Variants in DRC11 observed in about 807,000 individuals in gnomAD.
The protein encoded by DRC11 is IQ and AAA domain-containing protein 1.
the DRC11 span, among the ~76,000 whole-genome samples, chr2:236,393,875 A>G: frequency 6.6e-6 from 1 of 152,174 alleles, no homozygotes; most frequent in African/African-American, 2.4e-5. The surrounding 1 kb of genome is among the most constrained non-coding windows in gnomAD (Gnocchi z 4.7). Flanking sequence ...CCTACCACCT[A>G]CCAGCTGGTG....
At chr2:236,353,818 C>G in the DRC11 span, among the ~76,000 whole-genome samples, 177 of 151,880 alleles carry the variant, frequency 1.2e-3, 2 homozygotes, top group African/African-American at 4.1e-3. This position sits in a 1 kb window ranked among gnomAD's most constrained non-coding sequence, Gnocchi z 5.0. Context: ...AGGGAGGGTG[C>G]AGGGGCGTAA....
chr2:236,324,424 C>T, the DRC11 span: 9 of 323,360 alleles, frequency 2.8e-5, no homozygotes, highest in Non-Finnish European at 4.0e-5. This position sits in a 1 kb window ranked among gnomAD's most constrained non-coding sequence, Gnocchi z 5.7. Flanking sequence ...ACAAACTTGG[C>T]GTGGATTAAA....
chr2:236,315,228 C>T, the DRC11 span, among the ~76,000 whole-genome samples: 25 of 152,164 alleles, frequency 1.6e-4, 1 homozygote, highest in Non-Finnish European at 5.9e-5. The surrounding 1 kb of genome is among the most constrained non-coding windows in gnomAD (Gnocchi z 5.1). Flanking sequence ...AAAGAACAGT[C>T]TTTTCAAGAA....
chr2:236,311,270 G>A, the DRC11 span, among the ~76,000 whole-genome samples: 3 of 152,204 alleles, frequency 2.0e-5, no homozygotes, highest in Admixed American at 6.5e-5. This position sits in a 1 kb window ranked among gnomAD's most constrained non-coding sequence, Gnocchi z 6.9. Context: ...ACACCTGGGT[G>A]GGTTGTGTTG....
chr2:236,451,248 A>G, the DRC11 span, among the ~76,000 whole-genome samples: 3 of 152,098 alleles, frequency 2.0e-5, no homozygotes, highest in Non-Finnish European at 4.4e-5. Flanking sequence ...GGTCATCTAC[A>G]TTGTCCTTTC....
At chr2:236,400,418 C>G in the DRC11 span, among the ~76,000 whole-genome samples, 1 of 152,222 alleles carries the variant, frequency 6.6e-6, no homozygotes, top group African/African-American at 2.4e-5. The surrounding 1 kb of genome is among the most constrained non-coding windows in gnomAD (Gnocchi z 7.9). Context: ...CAGCACAACA[C>G]CCCCTCTGCC....
the DRC11 span, among the ~76,000 whole-genome samples, chr2:236,481,151 T>C: frequency 6.6e-6 from 1 of 152,234 alleles, no homozygotes; most frequent in African/African-American, 2.4e-5. Flanking sequence ...TTGGCCAAGA[T>C]ACAGAGAAGA....
the DRC11 span, among the ~76,000 whole-genome samples, chr2:236,308,492 C>T: frequency 2.0e-5 from 3 of 152,348 alleles, no homozygotes; most frequent in East Asian, 5.8e-4. The surrounding 1 kb of genome is among the most constrained non-coding windows in gnomAD (Gnocchi z 6.0). Context: ...ACTCGTGGTA[C>T]AGTTGTGAGT....
the DRC11 span, among the ~76,000 whole-genome samples, chr2:236,341,852 T>C: frequency 6.6e-6 from 1 of 152,210 alleles, no homozygotes; most frequent in Non-Finnish European, 1.5e-5. Flanking sequence ...CTCTTTTGTG[T>C]CACAGGGAAA....
At chr2:236,373,070 CTTTT>C in the DRC11 span, among the ~76,000 whole-genome samples, 2 of 151,746 alleles carry the variant, frequency 1.3e-5, no homozygotes, top group Non-Finnish European at 2.9e-5. Context: ...AAAAATTTGC[CTTTT>C]TGCCTTTTAT....
the DRC11 span, among the ~76,000 whole-genome samples, chr2:236,416,719 A>ATTTT: frequency 9.9e-5 from 6 of 60,856 alleles, no homozygotes; most frequent in Non-Finnish European, 1.8e-4. Context: ...ATATATATAT[A>ATTTT]TTTATATATA....
At chr2:236,368,252 G>A in the DRC11 span, 2 of 1,610,192 alleles carry the variant, frequency 1.2e-6, no homozygotes, top group African/African-American at 2.7e-5. Context: ...GGGAGGGCAT[G>A]GGTTCTATGG....
At chr2:236,321,182 C>T in the DRC11 span, among the ~76,000 whole-genome samples, 2 of 151,778 alleles carry the variant, frequency 1.3e-5, no homozygotes, top group African/African-American at 4.8e-5. Context: ...TTGGTATATA[C>T]CCACGAAGAC....
chr2:236,349,219 G>A, the DRC11 span, among the ~76,000 whole-genome samples: 2 of 152,022 alleles, frequency 1.3e-5, no homozygotes, highest in African/African-American at 4.8e-5. This position sits in a 1 kb window ranked among gnomAD's most constrained non-coding sequence, Gnocchi z 5.5. Context: ...GCTGCCAAGG[G>A]ATGGAGCTGA....
At chr2:236,497,209 T>TC in the DRC11 span, 1 of 1,612,834 alleles carries the variant, frequency 6.2e-7, no homozygotes, top group Admixed American at 1.7e-5. This position sits in a 1 kb window ranked among gnomAD's most constrained non-coding sequence, Gnocchi z 5.1. Context: ...ATAATGGAAC[T>TC]CCGTGAGTTC....
chr2:236,387,176 G>C, the DRC11 span, among the ~76,000 whole-genome samples: 1 of 149,232 alleles, frequency 6.7e-6, no homozygotes, highest in Admixed American at 6.7e-5. Flanking sequence ...ATGTCTATTA[G>C]GTCCGCTTGG....
At chr2:236,344,863 G>A in the DRC11 span, among the ~76,000 whole-genome samples, 2 of 149,058 alleles carry the variant, frequency 1.3e-5, no homozygotes, top group Admixed American at 6.7e-5. Context: ...GCAGAGCCCT[G>A]GTTATAAACG....
At chr2:236,397,922 C>A in the DRC11 span, among the ~76,000 whole-genome samples, 295 of 152,366 alleles carry the variant, frequency 1.9e-3, 2 homozygotes, top group African/African-American at 6.7e-3. This position sits in a 1 kb window ranked among gnomAD's most constrained non-coding sequence, Gnocchi z 5.0. Context: ...GCTAGCACTG[C>A]ACCTGACACC....
chr2:236,506,148 A>G, the DRC11 span, among the ~76,000 whole-genome samples: 1 of 152,128 alleles, frequency 6.6e-6, no homozygotes, highest in African/African-American at 2.4e-5. This position sits in a 1 kb window ranked among gnomAD's most constrained non-coding sequence, Gnocchi z 4.9. Context: ...TGGAAACACT[A>G]TTATTTCTTC....
Sources: gnomAD v4.1 joint callset for allele counts (sites outside exome capture counted in the v4.1 genomes callset) on GRCh38, gnomAD v4.1.1 for gene constraint, Gnocchi (gnomAD v3.1) non-coding constraint, MANE v1.5 for transcripts, NCBI Gene and HGNC (gene_info 2026-07-23, HGNC 2026-07-21) for gene names.